The following CFAP92 variants were observed in gnomAD, a reference collection of about 807,000 sequenced individuals.
The protein encoded by CFAP92 is uncharacterized protein CFAP92.
CFAP92 carries 86 observed loss-of-function variants against 106.3 expected under a neutral mutation model. The observed-to-expected ratio is 0.81, with a 90% CI of 0.68 to 0.97. The LOEUF is 0.97. CFAP92 is among the 50% of genes least tolerant of loss of function. CFAP92 has a pLI of 0.00. For synonymous variants in CFAP92, 477 were observed against 506.4 expected (o/e 0.94, Z 0.78); for missense variants, 1,204 against 1,283.8 (o/e 0.94, Z 0.95).
chr3:128,984,688 T>C (rs1256612227), intron 4 of CFAP92, among the ~76,000 whole-genome samples: 1 of 152,152 alleles, frequency 6.6e-6, no homozygotes, highest in Non-Finnish European at 1.5e-5. Context: ...CTTAATAAAC[T>C]CCCTTTCATA....
At chr3:128,987,992 T>C (rs553000511) in intron 3 of CFAP92, among the ~76,000 whole-genome samples, 163 bp from the exon 4 acceptor site, 3 of 152,314 alleles carry the variant, frequency 2.0e-5, no homozygotes, top group East Asian at 1.9e-4. Flanking sequence ...TGGGGCGTTG[T>C]GTGCTGGGCC....
chr3:128,990,985 T>C (rs904707637), intron 2 of CFAP92, among the ~76,000 whole-genome samples: 2 of 152,108 alleles, frequency 1.3e-5, no homozygotes, highest in African/African-American at 4.8e-5. Flanking sequence ...AAAATTAAAC[T>C]AGAATTTTAT....
At chr3:128,960,123 A>G (rs947328988) in intron 9 of CFAP92, among the ~76,000 whole-genome samples, 1 of 152,086 alleles carries the variant, frequency 6.6e-6, no homozygotes, top group African/African-American at 2.4e-5. Context: ...CCCAAATCCT[A>G]TAAAACGGCC....
At chr3:128,933,614 C>G (rs1162203416) in intron 11 of CFAP92, among the ~76,000 whole-genome samples, 3 of 152,248 alleles carry the variant, frequency 2.0e-5, no homozygotes, top group Non-Finnish European at 4.4e-5. Context: ...CCCAGTGACC[C>G]TGGCCCAGCC....
chr3:129,019,286 G>A, the CFAP92 span, among the ~76,000 whole-genome samples: 1 of 152,332 alleles, frequency 6.6e-6, no homozygotes, highest in Non-Finnish European at 1.5e-5. Context: ...TCCACCTGGA[G>A]TCTACCCTTT....
chr3:129,005,795 C>T (rs1434667317), upstream of CFAP92, among the ~76,000 whole-genome samples: 2 of 152,276 alleles, frequency 1.3e-5, no homozygotes, highest in Non-Finnish European at 2.9e-5. Flanking sequence ...CTGGGCCAGC[C>T]TCCTGCAGCA....
chr3:128,977,440 C>A (rs1449587303), intron 5 of CFAP92, among the ~76,000 whole-genome samples: 1 of 152,248 alleles, frequency 6.6e-6, no homozygotes, highest in Non-Finnish European at 1.5e-5. Flanking sequence ...TGAAATACTA[C>A]ATAGCCACCA....
intron 9 of CFAP92, among the ~76,000 whole-genome samples, chr3:128,963,858 C>G (rs1328470355): frequency 6.6e-6 from 1 of 151,176 alleles, no homozygotes; most frequent in Non-Finnish European, 1.5e-5. Context: ...CAGGCCCCCT[C>G]CCTTCCCTAC....
At position 128,912,251 on chromosome 3, in the gene CFAP92, C is replaced by A. The variant is rs111791158; in HGVS notation, c.3281-1918G>T. On this transcript the variant is annotated intron_variant, in intron 15 of 15. Transcript: ENST00000645291. The stretch of plus-strand genomic sequence containing the variant: ...AATCACAGATGGGCTGTTTACGGAG[C>A]AAGTGCCGGCTCCACCCCATGAGAT... Among the ~76,000 whole-genome samples, 370 of 152,286 alleles carry A rather than the reference C, an allele frequency of 2.4e-3. 1 individual carries two copies. Among genetic ancestry groups the A allele is most frequent in the African/African-American group, 8.4e-3 (350 of 41,578 alleles).
chr3:128,911,765 C>T (rs957211961), intron 15 of CFAP92, among the ~76,000 whole-genome samples: 45 of 152,318 alleles, frequency 3.0e-4, no homozygotes, highest in Admixed American at 1.3e-4. Context: ...TGAAGCTGCC[C>T]GGGGAAGGCT....
At chr3:128,984,981 C>A (rs527844419) in intron 4 of CFAP92, among the ~76,000 whole-genome samples, 1 of 152,336 alleles carries the variant, frequency 6.6e-6, no homozygotes, top group Admixed American at 6.5e-5. Context: ...AAAATGTTAA[C>A]AATGGCTATC....
chr3:129,007,402 G>A (rs1035432476), upstream of CFAP92, among the ~76,000 whole-genome samples: 9 of 152,196 alleles, frequency 5.9e-5, no homozygotes, highest in African/African-American at 2.2e-4. Flanking sequence ...CCTCTTAAGT[G>A]ACATCACTCT....
At position 128,915,208 on chromosome 3, in the gene CFAP92, C is replaced by A. The variant is rs1456201641; in HGVS notation, c.3191G>T (p.Trp1064Leu). The A allele has an allele frequency of 6.5e-7, 1 of 1,536,146 alleles. No homozygotes were observed. The highest frequency in any genetic ancestry group is 8.7e-7 in the Non-Finnish European group (1 of 1,146,920). Residue 1064 changes from tryptophan to leucine, a missense_variant, in exon 15 of 16, where the codon TGG (tryptophan) becomes TTG (leucine). Trp to Leu is a moderately conservative substitution (Grantham distance 61, BLOSUM62 -2). Transcript: ENST00000645291. ...EPVLDRDRWS[W>L]DRHHVDFDLY... ...ATCAAAGTCCACGTGGTGCCTGTCC[C>A]AGCTCCACCTGTCTCGATCCAACAC...
chr3:128,937,875 C>T (rs1939208268), intron 10 of CFAP92, among the ~76,000 whole-genome samples: 1 of 152,002 alleles, frequency 6.6e-6, no homozygotes, highest in African/African-American at 2.4e-5. Flanking sequence ...CCAGCCTTCC[C>T]AACATGGCAA....
intron 5 of CFAP92, among the ~76,000 whole-genome samples, chr3:128,977,351 T>A (rs903723124): frequency 6.6e-6 from 1 of 152,056 alleles, no homozygotes; most frequent in African/African-American, 2.4e-5. Context: ...TCAGTCCTGT[T>A]TACATTAGAG....
chr3:128,928,778 A>C (rs1319588446), intron 12 of CFAP92, among the ~76,000 whole-genome samples: 1 of 149,852 alleles, frequency 6.7e-6, no homozygotes, highest in Non-Finnish European at 1.5e-5. Context: ...AACAGAAAAA[A>C]CATAAATTGG....
the CFAP92 span, among the ~76,000 whole-genome samples, chr3:129,011,416 T>A: frequency 6.6e-6 from 1 of 152,152 alleles, no homozygotes; most frequent in Non-Finnish European, 1.5e-5. Context: ...CCAGGTGTCC[T>A]GGCACGTGCC....
intron 8 of CFAP92, chr3:128,968,812 GA>G (rs1453535055): frequency 2.0e-5 from 3 of 153,090 alleles, no homozygotes; most frequent in African/African-American, 7.2e-5. Context: ...GCAGGTTATA[GA>G]GAGGGGAGGC....
intron 9 of CFAP92, among the ~76,000 whole-genome samples, chr3:128,948,377 C>CTTTTTTTTTTTTTTTTTTTTTT: frequency 1.3e-5 from 1 of 79,708 alleles, no homozygotes; most frequent in Non-Finnish European, 2.5e-5. Flanking sequence ...CTTTTCTTTC[C>CTTTTTTTTTTTTTTTTTTTTTT]TTTTTTTTTT....
Sources: gnomAD v4.1 joint callset for allele counts (sites outside exome capture counted in the v4.1 genomes callset) on GRCh38, gnomAD v4.1.1 for gene constraint, MANE v1.5 for transcripts, NCBI Gene and HGNC (gene_info 2026-07-23, HGNC 2026-07-21) for gene names.